SNTB2: variants seen among roughly 807,000 people sequenced by gnomAD.
SNTB2 encodes syntrophin beta 2, also known as beta-2-syntrophin.
Under a neutral mutation model 46.2 loss-of-function variants are expected in SNTB2, and 34 were observed. The observed-to-expected ratio is 0.74, with a 90% CI of 0.56 to 0.98. SNTB2 has a LOEUF of 0.98. Ranked by LOEUF, SNTB2 falls within the 50% of genes least tolerant of loss-of-function variation. The probability of loss-of-function intolerance (pLI) is 0.00; values close to 1 mark genes in which losing one functional copy is unlikely to be tolerated. For synonymous variants in SNTB2, 290 were observed against 312.6 expected (o/e 0.93, Z 0.76); for missense variants, 603 against 731.4 (o/e 0.82, Z 2.02).
chr16:69,262,227 TA>T (rs1010026748), intron 3 of SNTB2, among the ~76,000 whole-genome samples: 8 of 152,134 alleles, frequency 5.3e-5, no homozygotes, highest in Non-Finnish European at 1.0e-4. Context: ...CTTTGGTTAG[TA>T]AGGGATTTAT....
chr16:69,272,887 C>T, intron 4 of SNTB2, among the ~76,000 whole-genome samples: 2 of 88,394 alleles, frequency 2.3e-5, no homozygotes, highest in South Asian at 7.1e-4. Context: ...CAGACTCTGT[C>T]TCAAAAAAAA....
In SNTB2 at chr16:69,230,223, A is replaced by G. The variant is rs114565674; in HGVS notation, c.581-15379A>G. Among the ~76,000 whole-genome samples, 1,162 of 152,312 alleles carry G rather than the reference A, an allele frequency of 7.6e-3. 15 individuals carry two copies. The highest frequency in any genetic ancestry group is 0.025 in the African/African-American group (1,045 of 41,586). ...AATTGCACTCACAAATGTGACCACT[A>G]TTAGCAAATTGGCATATTTTCTTGA... On this transcript the variant is annotated intron_variant, in intron 1 of 6. Coordinates refer to ENST00000336278, the MANE Select transcript of SNTB2 (RefSeq NM_006750.4).
intron 1 of SNTB2, among the ~76,000 whole-genome samples, chr16:69,242,359 G>T (rs1003464710): frequency 4.6e-5 from 7 of 152,176 alleles, no homozygotes; most frequent in Non-Finnish European, 1.0e-4. Context: ...AGAATTTGAG[G>T]TTACAGTGAG....
intron 5 of SNTB2, 127 bp downstream of exon 5, chr16:69,284,371 A>G: frequency 1.6e-6 from 1 of 632,608 alleles, no homozygotes; most frequent in Non-Finnish European, 2.4e-6. Flanking sequence ...AGATTATACT[A>G]CTATATTTTT....
chr16:69,229,896 C>T (rs549243606), intron 1 of SNTB2, among the ~76,000 whole-genome samples: 2 of 136,888 alleles, frequency 1.5e-5, no homozygotes, highest in East Asian at 4.2e-4. Flanking sequence ...AAGGGATTCT[C>T]CTGCCTCAGC....
intron 5 of SNTB2, among the ~76,000 whole-genome samples, 197 bp from the exon 6 acceptor site, chr16:69,299,393 G>A (rs572940859): frequency 6.6e-6 from 1 of 151,988 alleles, no homozygotes; most frequent in Non-Finnish European, 1.5e-5. Flanking sequence ...CGCCTGCCTC[G>A]GCCTCCCAAA....
chr16:69,261,642 A>G (rs1295789366), intron 3 of SNTB2, among the ~76,000 whole-genome samples: 3 of 152,200 alleles, frequency 2.0e-5, no homozygotes, highest in Admixed American at 1.3e-4. Flanking sequence ...TTAACATTTT[A>G]GTTGTGTTTA....
At chr16:69,205,316 ATTTTTTTT>A (rs34575541) in intron 1 of SNTB2, among the ~76,000 whole-genome samples, 3 of 131,006 alleles carry the variant, frequency 2.3e-5, no homozygotes, top group Admixed American at 7.9e-5. Flanking sequence ...CGCTTGGCAA[ATTTTTTTT>A]TTTTTTTTTT....
intron 3 of SNTB2, among the ~76,000 whole-genome samples, chr16:69,260,792 G>T (rs1224642490): frequency 1.3e-5 from 2 of 152,146 alleles, no homozygotes; most frequent in African/African-American, 4.8e-5. Flanking sequence ...GGGGCAGCAG[G>T]CTATAGTTGA....
chr16:69,255,108 A>AT (rs1268756787), intron 2 of SNTB2, among the ~76,000 whole-genome samples: 11 of 151,834 alleles, frequency 7.2e-5, no homozygotes, highest in African/African-American at 2.7e-4. Context: ...TTATTTATTT[A>AT]TTTTTTAGAG....
chr16:69,196,319 G>T (rs191880036), intron 1 of SNTB2, among the ~76,000 whole-genome samples: 4 of 151,666 alleles, frequency 2.6e-5, no homozygotes, highest in African/African-American at 9.7e-5. Flanking sequence ...TGACACTTAT[G>T]GAGAGCTTAC....
Position 69,301,854 on chromosome 16 carries a change from C to G in SNTB2, c.*930C>G, listed in dbSNP as rs1439152910. On this transcript the variant is annotated 3_prime_UTR_variant, in exon 7 of 7. Transcript: ENST00000336278. ...GAAATCACTGCCATTTCCAGGAGAT[C>G]ACCTATCCTAGTTTTGAGGAATAGT... 6.6e-6 allele frequency: 1 copy of G among 152,564 alleles called. No individual in the cohort carries two copies. The highest frequency in any genetic ancestry group is 1.5e-5 in the Non-Finnish European group (1 of 68,030). The allele number at this position is 152,564 out of a possible 1,614,324, so 9.5% of individuals were successfully genotyped here. A position where few individuals can be genotyped will look rare whatever the true frequency, so the allele number is the denominator to read the frequency against.
At chr16:69,239,369 C>T (rs1964588388) in intron 1 of SNTB2, among the ~76,000 whole-genome samples, 1 of 151,876 alleles carries the variant, frequency 6.6e-6, no homozygotes, top group Non-Finnish European at 1.5e-5. Flanking sequence ...AATTTTTTCC[C>T]CTTAAGGTAT....
At chr16:69,196,275 T>G (rs1964104729) in intron 1 of SNTB2, among the ~76,000 whole-genome samples, 1 of 152,038 alleles carries the variant, frequency 6.6e-6, no homozygotes, top group Non-Finnish European at 1.5e-5. Flanking sequence ...AGTTGTACAT[T>G]TTTAAAAACA....
intron 5 of SNTB2, among the ~76,000 whole-genome samples, chr16:69,294,292 C>T (rs920630289): frequency 6.6e-6 from 1 of 152,158 alleles, no homozygotes; most frequent in Non-Finnish European, 1.5e-5. Context: ...GCTGGAATTA[C>T]AGGCATGAGC....
intron 1 of SNTB2, among the ~76,000 whole-genome samples, chr16:69,192,211 G>T (rs540201624): frequency 1.3e-5 from 2 of 152,314 alleles, no homozygotes; most frequent in South Asian, 4.1e-4. Context: ...ATCACCTTTG[G>T]AGCCGGTGGT....
intron 2 of SNTB2, among the ~76,000 whole-genome samples, chr16:69,252,783 C>G (rs1271279822): frequency 2.6e-5 from 4 of 152,162 alleles, no homozygotes; most frequent in Non-Finnish European, 5.9e-5. Context: ...CTCCTCTTCT[C>G]CCTTGTGGAC....
At chr16:69,208,971 A>AGTGTGTGTGTGTGTGTGTGTGTGT (rs570119837) in intron 1 of SNTB2, among the ~76,000 whole-genome samples, 14 of 149,118 alleles carry the variant, frequency 9.4e-5, no homozygotes, top group African/African-American at 3.5e-4. Context: ...TGAATTTTTG[A>AGTGTGTGTGTGTGTGTGTGTGTGT]GTGTGTGTGT....
intron 1 of SNTB2, among the ~76,000 whole-genome samples, chr16:69,200,007 C>T (rs760982822): frequency 1.3e-5 from 2 of 152,056 alleles, no homozygotes; most frequent in African/African-American, 4.8e-5. Flanking sequence ...CTCCATCTCC[C>T]GGGTTCAAGC....
Sources: gnomAD v4.1 joint callset for allele counts (sites outside exome capture counted in the v4.1 genomes callset) on GRCh38, gnomAD v4.1.1 for gene constraint, MANE v1.5 for transcripts, NCBI Gene and HGNC (gene_info 2026-07-23, HGNC 2026-07-21) for gene names.